TGM2: variants seen among roughly 807,000 people sequenced by gnomAD.
TGM2 encodes the protein transglutaminase 2, also known as protein-glutamine gamma-glutamyltransferase 2.
In TGM2, 53 loss-of-function variants were observed where a neutral mutation model predicts 75.6. That is an observed-to-expected ratio of 0.70 (90% CI 0.56 to 0.88). The LOEUF is 0.88. Among genes scored for constraint, TGM2 ranks in the 40% least tolerant of loss-of-function variants. TGM2 has a pLI of 0.00. For synonymous variants in TGM2, 374 were observed against 381.1 expected (o/e 0.98, Z 0.22); for missense variants, 842 against 928.5 (o/e 0.91, Z 1.21).
rs1166421617 is a variant in TGM2, at chr20:38,148,105, CAA to C, written c.553-18_553-17del. Reference sequence around the variant, plus strand: ...CATCTTCAAACTGTGTCAGAGGAAACAAGAGGAGAAAGAGGGAGCTGGGAAGG... The same window carrying C: ...CATCTTCAAACTGTGTCAGAGGAAACGAGGAGAAAGAGGGAGCTGGGAAGG... On this transcript the variant is annotated splice_polypyrimidine_tract_variant and intron_variant, in intron 4 of 12. Coordinates refer to ENST00000361475, the MANE Select transcript of TGM2 (RefSeq NM_004613.4). 4 of 1,613,884 alleles carry C rather than the reference CAA, an allele frequency of 2.5e-6. No homozygotes were observed. Among genetic ancestry groups the C allele is most frequent in the Non-Finnish European group, 3.4e-6 (4 of 1,179,956 alleles).
rs750012392 is a variant in TGM2 at position 38,161,639 on chromosome 20, C to G, written c.11-40G>C. ...GGAGACGCATGAGCCTCGGGGGCAT[C>G]CTTCAGACCTCCAGTGATGCACCTG... On this transcript the variant is annotated intron_variant, in intron 1 of 12. Coordinates refer to ENST00000361475, the MANE Select transcript of TGM2 (RefSeq NM_004613.4). The G allele has an allele frequency of 8.1e-6, 13 of 1,612,330 alleles. No homozygotes were observed. The African/African-American group carries it at 1.2e-4, about 15-fold the overall frequency.
upstream of TGM2, among the ~76,000 whole-genome samples, chr20:38,165,913 G>A (rs759562045): frequency 6.6e-6 from 1 of 152,008 alleles, no homozygotes; most frequent in Non-Finnish European, 1.5e-5. Flanking sequence ...ACACAGCCAG[G>A]TAGCCTTGAC....
intron 2 of TGM2, among the ~76,000 whole-genome samples, chr20:38,156,704 T>C (rs1293931995): frequency 6.6e-6 from 1 of 151,840 alleles, no homozygotes; most frequent in Non-Finnish European, 1.5e-5. Context: ...CCATAGGCAG[T>C]TCCGAGATGC....
chr20:38,149,119 G>A (rs1045494210), intron 4 of TGM2, among the ~76,000 whole-genome samples: 1 of 152,078 alleles, frequency 6.6e-6, no homozygotes, highest in Admixed American at 6.6e-5. Flanking sequence ...TACCTCTCAG[G>A]CACGACATAA....
At chr20:38,136,194 G>A (rs756698594) in intron 10 of TGM2, among the ~76,000 whole-genome samples, 4 of 152,150 alleles carry the variant, frequency 2.6e-5, no homozygotes, top group Non-Finnish European at 4.4e-5. Context: ...GCCCACGGTG[G>A]GCCCAAGATA....
intron 10 of TGM2, 48 bp downstream of exon 10, chr20:38,138,065 T>C (rs944615878): frequency 2.6e-6 from 4 of 1,541,716 alleles, no homozygotes; most frequent in Non-Finnish European, 3.5e-6. Flanking sequence ...CTACCTAGCA[T>C]GTTGTCAGTT....
At chr20:38,136,624 A>G (rs925331984) in intron 10 of TGM2, among the ~76,000 whole-genome samples, 1 of 152,182 alleles carries the variant, frequency 6.6e-6, no homozygotes, top group African/African-American at 2.4e-5. Context: ...ACGATGTCCT[A>G]CTTGATTCCA....
intron 2 of TGM2, among the ~76,000 whole-genome samples, chr20:38,159,904 C>T (rs2075233871): frequency 6.6e-6 from 1 of 152,282 alleles, no homozygotes; most frequent in Admixed American, 6.5e-5. Flanking sequence ...TGACTCTTCT[C>T]AGGCCACCAG....
rs770284064 is a variant in TGM2, at chr20:38,130,190, G to T, written c.*29C>A. 2 of 1,612,400 alleles carry T rather than the reference G, an allele frequency of 1.2e-6. No homozygotes were observed. The highest frequency in any genetic ancestry group is 1.7e-6 in the Non-Finnish European group (2 of 1,179,634). On this transcript the variant is annotated 3_prime_UTR_variant, in exon 13 of 13. Transcript: ENST00000361475. The stretch of plus-strand genomic sequence containing the variant: ...GATAAGGATTGGGATCAAGGTGGGG[G>T]CTCTCAGCAGGCTGGGAGCAGGGGT...
intron 9 of TGM2, 81 bp downstream of exon 9, chr20:38,139,331 A>G (rs576501173): frequency 8.7e-6 from 14 of 1,604,430 alleles, no homozygotes; most frequent in East Asian, 2.2e-5. Context: ...AAACACACGC[A>G]CACACATACA....
At position 38,142,441 on chromosome 20, in the gene TGM2, G is replaced by C. The variant is rs539023407; in HGVS notation, c.860-242C>G. On this transcript the variant is annotated intron_variant, in intron 6 of 12. Coordinates refer to ENST00000361475, the MANE Select transcript of TGM2 (RefSeq NM_004613.4). Reference sequence around the variant, plus strand: ...TAAAATACAAACCCCGGCCAGGCGTGGTGGCTCACGCCTATAATCCCAGCA... The same window carrying C: ...TAAAATACAAACCCCGGCCAGGCGTCGTGGCTCACGCCTATAATCCCAGCA... 3.5e-4 allele frequency among the ~76,000 whole-genome samples: 53 copies of C among 152,304 alleles called. 1 individual carries two copies. The highest frequency in any genetic ancestry group is 1.2e-3 in the African/African-American group (51 of 41,566).
Position 38,128,100 on chromosome 20 carries a change from T to G in TGM2, c.*2119A>C, listed in dbSNP as rs1275327244. On this transcript the variant is annotated 3_prime_UTR_variant, in exon 13 of 13. Transcript: ENST00000361475. Reference sequence around the variant, plus strand: ...ACCCGAAAAGATATCAAGGAAGGTTTCACAGAAGAGGTGACTTTGGTGTTA... The same window carrying G: ...ACCCGAAAAGATATCAAGGAAGGTTGCACAGAAGAGGTGACTTTGGTGTTA... 1 of 152,236 alleles carries G rather than the reference T, an allele frequency of 6.6e-6. No homozygotes were observed. Among genetic ancestry groups the G allele is most frequent in the Non-Finnish European group, 1.5e-5 (1 of 68,048 alleles). 9.4% of individuals were successfully genotyped at this position (152,236 alleles called of 1,614,324 possible).
rs45553046 is a variant in TGM2 at position 38,144,480 on chromosome 20, G to A, written c.859+2237C>T. On this transcript the variant is annotated intron_variant, in intron 6 of 12. Coordinates refer to ENST00000361475, the MANE Select transcript of TGM2 (RefSeq NM_004613.4). ...CAGTGCTGGCTGATTCATGGACATT[G>A]AGGAAGTACAGTGAGGGATCCGGCT... is the stretch of plus-strand genomic sequence containing the variant. Among the ~76,000 whole-genome samples, 1,111 of 152,282 alleles carry A rather than the reference G, an allele frequency of 7.3e-3. 11 individuals are homozygous for A. The highest frequency in any genetic ancestry group is 0.025 in the African/African-American group (1,046 of 41,558).
chr20:38,137,856 T>C (rs1232965720), intron 10 of TGM2: 4 of 754,248 alleles, frequency 5.3e-6, no homozygotes, highest in East Asian at 3.0e-5. Flanking sequence ...CTGTGCAACC[T>C]TAAGAAAATT....
chr20:38,150,738 G>A (rs1025176833), intron 4 of TGM2, among the ~76,000 whole-genome samples: 14 of 152,246 alleles, frequency 9.2e-5, no homozygotes, highest in Non-Finnish European at 1.8e-4. Flanking sequence ...ATCCAAGGCT[G>A]CCGCCTTTGC....
At chr20:38,167,752 C>G (rs533622558), upstream of TGM2, among the ~76,000 whole-genome samples, 9 of 152,288 alleles carry the variant, frequency 5.9e-5, no homozygotes, top group East Asian at 1.3e-3. Context: ...AGCAGCAGCA[C>G]CAGCTCCATT....
Position 38,132,500 on chromosome 20 carries a change from T to A in TGM2, c.1616A>T (p.Glu539Val). 1 of 1,614,086 alleles carries A rather than the reference T, an allele frequency of 6.2e-7. No homozygotes were observed. The highest frequency in any genetic ancestry group is 8.5e-7 in the Non-Finnish European group (1 of 1,180,002). Reference protein sequence around the residue: ...LLNLNLEPFSEKSVPLCILYE... With the variant: ...LLNLNLEPFSVKSVPLCILYE... ...GAGGATGCAAAGAGGAACGCTCTTC[T>A]CTGCAGAAGGGGAGAAAGGAGGGTG... The change falls in exon 11 of 13, where the codon GAG becomes GTG. Residue 539 changes from glutamate (E) to valine (V), a missense_variant and splice_region_variant. By Grantham distance (121) the Glu-to-Val change is moderately radical. Coordinates refer to ENST00000361475, the MANE Select transcript of TGM2 (RefSeq NM_004613.4).
chr20:38,138,008 T>C (rs2074920575), intron 10 of TGM2, 105 bp downstream of exon 10: 7 of 1,488,722 alleles, frequency 4.7e-6, no homozygotes, highest in African/African-American at 2.8e-5. Flanking sequence ...GTCAGCGCCA[T>C]GTAAGTGTCT....
intron 5 of TGM2, 46 bp downstream of exon 5, chr20:38,147,915 G>A (rs979570352): frequency 6.3e-7 from 1 of 1,584,254 alleles, no homozygotes; most frequent in Non-Finnish European, 8.6e-7. Context: ...GCCTGCGGGA[G>A]CCCCCTGTAG....
Sources: gnomAD v4.1 joint callset for allele counts (sites outside exome capture counted in the v4.1 genomes callset) on GRCh38, gnomAD v4.1.1 for gene constraint, MANE v1.5 for transcripts, NCBI Gene and HGNC (gene_info 2026-07-23, HGNC 2026-07-21) for gene names.